Variants in IL2RB observed in about 807,000 individuals in gnomAD.
The protein encoded by IL2RB is interleukin-2 receptor subunit beta.
A neutral mutation model predicts 44.2 loss-of-function variants in IL2RB; 17 were observed. The ratio of observed to expected loss-of-function variants is 0.38; its 90% CI spans 0.26 to 0.58. IL2RB has a LOEUF of 0.58. IL2RB is among the 20% of genes least tolerant of loss of function. The pLI, the probability that IL2RB is intolerant of heterozygous loss-of-function variation, is 0.63. For missense variants in IL2RB, 624 were observed against 685.5 expected (o/e 0.91, Z 1.00); for synonymous variants, 286 against 297.9 (o/e 0.96, Z 0.41).
chr22:37,151,497 T>TC (rs1248642601), upstream of IL2RB, among the ~76,000 whole-genome samples: 1 of 152,238 alleles, frequency 6.6e-6, no homozygotes, highest in African/African-American at 2.4e-5. Flanking sequence ...AAATATTTTC[T>TC]CCCATTCTGT....
At chr22:37,164,516 G>A (rs113012595) in intron 1 of IL2RB, among the ~76,000 whole-genome samples, 1,819 of 151,972 alleles carry the variant, frequency 0.012, 26 homozygotes, top group South Asian at 0.038. Context: ...GATGGTGGAA[G>A]CTGCAAGATG....
In IL2RB at chr22:37,141,467, C is replaced by A. The variant is rs953333997; in HGVS notation, c.282+967G>T. Among the ~76,000 whole-genome samples, 1 of 152,104 alleles carries A rather than the reference C, an allele frequency of 6.6e-6. No homozygotes were observed. On this transcript the variant is annotated intron_variant, in intron 4 of 9. Transcript: ENST00000216223. The surrounding 1 kb of genome is among the most constrained non-coding windows in gnomAD (Gnocchi z 4.4). ...GATCCTGGAGGCACAGTCGGGGCTA[C>A]GCACTCTGTGGATCCAGTGTGAGTC... is the stretch of plus-strand genomic sequence containing the variant.
intron 5 of IL2RB, among the ~76,000 whole-genome samples, chr22:37,138,643 A>G (rs1453982745): frequency 6.6e-6 from 1 of 152,232 alleles, no homozygotes; most frequent in African/African-American, 2.4e-5. Flanking sequence ...AAAGAGACAG[A>G]CCTACAATCA....
At chr22:37,154,165 G>A (rs1173906916), upstream of IL2RB, among the ~76,000 whole-genome samples, 1 of 152,218 alleles carries the variant, frequency 6.6e-6, no homozygotes, top group African/African-American at 2.4e-5. Context: ...GGAGCAGAAT[G>A]GGGGATGGTG....
At chr22:37,164,013 C>T (rs973829488) in intron 1 of IL2RB, among the ~76,000 whole-genome samples, 4 of 152,234 alleles carry the variant, frequency 2.6e-5, no homozygotes, top group African/African-American at 4.8e-5. Flanking sequence ...CTTTGCTGTT[C>T]CCACACCATT....
At position 37,127,606 on chromosome 22, in the gene IL2RB, T is replaced by G. The variant is rs1160382208; in HGVS notation, c.*490A>C. 1.3e-5 allele frequency: 2 copies of G among 152,066 alleles called. No homozygotes were observed. Among genetic ancestry groups the G allele is most frequent in the East Asian group, 3.9e-4 (2 of 5,174 alleles). The allele number at this position is 152,066 out of a possible 1,614,324, so 9.4% of individuals were successfully genotyped here. A position where few individuals can be genotyped will look rare whatever the true frequency, so the allele number is the denominator to read the frequency against. On this transcript the variant is annotated 3_prime_UTR_variant, in exon 10 of 10. Transcript: ENST00000216223. ...AAGTGGGGCTGAGGGCAGTGGGACC[T>G]GTGCAAGGTTTTGAACCGAGGGGGA...
At position 37,126,605 on chromosome 22, in the gene IL2RB, C is replaced by G. The variant is rs1234198435; in HGVS notation, c.*1491G>C. On this transcript the variant is annotated 3_prime_UTR_variant, in exon 10 of 10. Transcript: ENST00000216223. ...CCCCTCATAGGCTGCTGGTCAGAGCCTGTGGGGGCGTGTGGTCAGGTGCCC... is the reference window on the plus strand; with the variant it reads ...CCCCTCATAGGCTGCTGGTCAGAGCGTGTGGGGGCGTGTGGTCAGGTGCCC... The G allele has an allele frequency of 1.3e-5, 2 of 152,238 alleles. No individual in the cohort carries two copies. Among genetic ancestry groups the G allele is most frequent in the Non-Finnish European group, 2.9e-5 (2 of 68,082 alleles). 9.4% of individuals were successfully genotyped at this position (152,238 alleles called of 1,614,324 possible).
intron 1 of IL2RB, among the ~76,000 whole-genome samples, chr22:37,155,279 T>C (rs1294766233): frequency 6.6e-6 from 1 of 152,164 alleles, no homozygotes; most frequent in Admixed American, 6.5e-5. Flanking sequence ...GGTCTCCCTG[T>C]TTCTATTAAT....
chr22:37,145,477 A>G (rs530278085), intron 1 of IL2RB, among the ~76,000 whole-genome samples: 1 of 151,988 alleles, frequency 6.6e-6, no homozygotes, highest in Non-Finnish European at 1.5e-5. Flanking sequence ...CCTCTAGCCA[A>G]CCGTGGAAGC....
chr22:37,128,690 C>A lies in IL2RB; in HGVS notation c.1062G>T (p.Ser354=). The part of the protein sequence containing the change: ...PEPASLSSNH[S]LTSCFTNQGY... The stretch of plus-strand genomic sequence containing the variant: ...CCTGGTTGGTGAAGCAGCTGGTCAG[C>A]GAGTGGTTGCTGCTTAAGGATGCGG... Residue 354 remains serine, a synonymous_variant, in exon 10 of 10, where the codon TCG becomes TCT. Transcript: ENST00000216223. This position sits in a 1 kb window ranked among gnomAD's most constrained non-coding sequence, Gnocchi z 4.5. 8 of 1,614,166 alleles carry A rather than the reference C, an allele frequency of 5.0e-6. No individual in the cohort carries two copies. Among genetic ancestry groups the A allele is most frequent in the South Asian group, 1.1e-5 (1 of 91,086 alleles).
chr22:37,152,080 C>T (rs753498086), upstream of IL2RB, among the ~76,000 whole-genome samples: 5 of 152,094 alleles, frequency 3.3e-5, no homozygotes, highest in African/African-American at 4.8e-5. Flanking sequence ...ATAAATTTGA[C>T]GATTATTTTT....
At chr22:37,144,006 T>C (rs1922105373) in intron 2 of IL2RB, 79 bp downstream of exon 2, 7 of 1,537,844 alleles carry the variant, frequency 4.6e-6, no homozygotes, top group Non-Finnish European at 5.3e-6. Context: ...CCCCATCCCC[T>C]TCTGGGAAGA....
intron 4 of IL2RB, among the ~76,000 whole-genome samples, chr22:37,140,806 G>A (rs751504186): frequency 2.6e-5 from 4 of 152,186 alleles, no homozygotes; most frequent in Non-Finnish European, 5.9e-5. Context: ...CTAATGCAAC[G>A]GTGAGAAGCC....
chr22:37,133,605 C>T (rs1921536415), intron 8 of IL2RB, among the ~76,000 whole-genome samples: 1 of 152,188 alleles, frequency 6.6e-6, no homozygotes, highest in Non-Finnish European at 1.5e-5. Context: ...GGGGCCACAA[C>T]CCCCGGTCAG....
chr22:37,171,015 G>A (rs1362456864), intron 1 of IL2RB, among the ~76,000 whole-genome samples: 2 of 151,754 alleles, frequency 1.3e-5, no homozygotes, highest in Non-Finnish European at 2.9e-5. Context: ...ACAGAGGCTC[G>A]CTCTGTTGCC....
chr22:37,150,706 A>G (rs1216230301), upstream of IL2RB, among the ~76,000 whole-genome samples: 8 of 152,060 alleles, frequency 5.3e-5, no homozygotes, highest in Admixed American at 5.2e-4. Flanking sequence ...TTCGTACCCA[A>G]CAACAATCCC....
chr22:37,173,061 CTCCT>C (rs1923342610), intron 1 of IL2RB, among the ~76,000 whole-genome samples: 1 of 152,204 alleles, frequency 6.6e-6, no homozygotes, highest in Non-Finnish European at 1.5e-5. Flanking sequence ...CAAAACCTGG[CTCCT>C]TCCGGCCTCT....
Position 37,128,962 on chromosome 22 carries a change from G to T in IL2RB, c.904-114C>A. On this transcript the variant is annotated intron_variant, in intron 9 of 9. Transcript: ENST00000216223. This position sits in a 1 kb window ranked among gnomAD's most constrained non-coding sequence, Gnocchi z 4.5. The stretch of plus-strand genomic sequence containing the variant: ...CCTCCTCCTGAAGCAGTTGGCCCAG[G>T]GCTGCCCCATCCAGGAAGCTCTCCC... 1 of 1,262,570 alleles carries T rather than the reference G, an allele frequency of 7.9e-7. No homozygotes were observed. 78.2% of individuals were successfully genotyped at this position (1,262,570 alleles called of 1,614,324 possible).
chr22:37,169,840 G>A (rs989165701), intron 1 of IL2RB, among the ~76,000 whole-genome samples: 1 of 152,154 alleles, frequency 6.6e-6, no homozygotes, highest in African/African-American at 2.4e-5. Context: ...CAACTAAAGT[G>A]GGTGCTCCCC....
Sources: gnomAD v4.1 joint callset for allele counts (sites outside exome capture counted in the v4.1 genomes callset) on GRCh38, gnomAD v4.1.1 for gene constraint, Gnocchi (gnomAD v3.1) non-coding constraint, MANE v1.5 for transcripts, NCBI Gene and HGNC (gene_info 2026-07-23, HGNC 2026-07-21) for gene names.